ARHGEF3: variants seen among roughly 807,000 people sequenced by gnomAD.
The protein encoded by ARHGEF3 is 59.8 kDA protein.
ARHGEF3 carries 28 observed loss-of-function variants against 63.2 expected under a neutral mutation model. The observed-to-expected ratio is 0.44, with a 90% CI of 0.33 to 0.61. The LOEUF (loss-of-function observed/expected upper bound fraction) is 0.61, where lower values mean the gene tolerates loss of function less well. ARHGEF3 is among the 20% of genes least tolerant of loss of function. The probability of loss-of-function intolerance (pLI) is 0.03; values close to 1 mark genes in which losing one functional copy is unlikely to be tolerated. For missense variants in ARHGEF3, 533 were observed against 659.3 expected (o/e 0.81, Z 2.10); for synonymous variants, 266 against 254.2 (o/e 1.05, Z -0.44).
intron 1 of ARHGEF3, among the ~76,000 whole-genome samples, chr3:57,058,868 CA>C (rs1333421426): frequency 1.4e-4 from 22 of 151,884 alleles, no homozygotes; most frequent in Admixed American, 5.2e-4. Flanking sequence ...TGGAAACTAT[CA>C]TTCTCAGCAA....
chr3:56,968,336 T>C (rs1352972031), intron 2 of ARHGEF3, among the ~76,000 whole-genome samples: 1 of 100,544 alleles, frequency 9.9e-6, no homozygotes, highest in Non-Finnish European at 1.9e-5. Context: ...ATATATATAA[T>C]ATATAATATA....
At chr3:56,929,819 C>T (rs2042364089) in intron 3 of ARHGEF3, among the ~76,000 whole-genome samples, 1 of 152,130 alleles carries the variant, frequency 6.6e-6, no homozygotes, top group South Asian at 2.1e-4. Context: ...TGAAGGAAAG[C>T]CTTGTGTAGA....
intron 2 of ARHGEF3, among the ~76,000 whole-genome samples, chr3:56,959,552 A>T (rs976639120): frequency 2.0e-5 from 3 of 152,144 alleles, no homozygotes; most frequent in African/African-American, 7.2e-5. Context: ...CTTTTTCAAT[A>T]TTTTTATGGA....
rs1381685759 is a variant in ARHGEF3, at chr3:56,727,722, G to GA, written c.*1547dup. On this transcript the variant is annotated 3_prime_UTR_variant, in exon 10 of 10. Transcript: ENST00000296315. Reference sequence around the variant, plus strand: ...AGCAGTTTTAAATAAACTTGTAATAGAAAAAATTCATCATGTTTAAGACCT... The same window carrying GA: ...AGCAGTTTTAAATAAACTTGTAATAGAAAAAAATTCATCATGTTTAAGACCT... 1 of 152,398 alleles carries GA rather than the reference G, an allele frequency of 6.6e-6. No individual in the cohort carries two copies. Among genetic ancestry groups the GA allele is most frequent in the African/African-American group, 2.4e-5 (1 of 41,406 alleles). The allele number at this position is 152,398 out of a possible 1,614,324, so 9.4% of individuals were successfully genotyped here.
chr3:56,844,828 C>A (rs749745331), intron 4 of ARHGEF3, among the ~76,000 whole-genome samples: 1 of 152,242 alleles, frequency 6.6e-6, no homozygotes, highest in Non-Finnish European at 1.5e-5. Flanking sequence ...CCCATGATCC[C>A]TGCCTCCTGG....
intron 4 of ARHGEF3, among the ~76,000 whole-genome samples, chr3:56,869,359 C>T (rs1048143196): frequency 2.6e-5 from 4 of 152,166 alleles, no homozygotes; most frequent in Admixed American, 2.6e-4. Context: ...TATAGAGAAA[C>T]CACCTGCTCA....
chr3:56,948,646 C>A (rs1372446397), intron 3 of ARHGEF3, among the ~76,000 whole-genome samples: 3 of 152,008 alleles, frequency 2.0e-5, no homozygotes, highest in African/African-American at 7.2e-5. Context: ...AATAGCTTAC[C>A]AACCAAAAAA....
rs117159865 is a variant in ARHGEF3, at chr3:56,810,198, G to T, written c.193-36382C>A. On this transcript the variant is annotated intron_variant, in intron 4 of 12. Coordinates refer to the ARHGEF3 transcript ENST00000338458. ...ATCAACTACAAACTCAGTAATCAAA[G>T]TACCGTATTTTGTCGAACCTAAGAC... 6.2e-4 allele frequency among the ~76,000 whole-genome samples: 95 copies of T among 152,242 alleles called. 1 individual carries two copies. In the East Asian group the frequency reaches 0.018, roughly 28 times the overall value.
chr3:56,817,394 C>T (rs986893621), intron 4 of ARHGEF3, among the ~76,000 whole-genome samples: 13 of 152,198 alleles, frequency 8.5e-5, no homozygotes, highest in Non-Finnish European at 5.9e-5. Context: ...AGCTCTGAAA[C>T]TCAGATTTTT....
At chr3:56,871,360 T>C (rs7634648) in intron 4 of ARHGEF3, among the ~76,000 whole-genome samples, 15 of 152,076 alleles carry the variant, frequency 9.9e-5, no homozygotes, top group Non-Finnish European at 2.1e-4. Context: ...AAGCAGAAAA[T>C]ATTTTCTACT....
chr3:57,022,019 C>G (rs1382222924), intron 2 of ARHGEF3, among the ~76,000 whole-genome samples: 2 of 152,086 alleles, frequency 1.3e-5, no homozygotes, highest in Non-Finnish European at 2.9e-5. Flanking sequence ...GCCTGCAATC[C>G]CAGCGCTTTG....
chr3:56,885,739 G>A (rs2040901621), intron 3 of ARHGEF3, among the ~76,000 whole-genome samples: 1 of 152,126 alleles, frequency 6.6e-6, no homozygotes. Flanking sequence ...TTTTAATTCA[G>A]CCATAGACAG....
Position 56,745,274 on chromosome 3 carries a change from A to G in ARHGEF3, c.801T>C (p.Pro267=). 4.3e-6 allele frequency: 7 copies of G among 1,614,094 alleles called. No homozygotes were observed. Among genetic ancestry groups the G allele is most frequent in the Non-Finnish European group, 5.9e-6 (7 of 1,180,010 alleles). ...DIPRSRLVKY[P]LLLREILRHT... is the part of the protein sequence containing the mutation. The stretch of plus-strand genomic sequence containing the variant: ...GCCTCAAGATTTCTCGGAGAAGCAG[A>G]GGGTATTTTACCAGGCGGCTTCTTG... The change falls in exon 7 of 10, where the codon CCT becomes CCC. Residue 267 remains proline, a synonymous_variant. Coordinates refer to ENST00000296315, the MANE Select transcript of ARHGEF3 (RefSeq NM_019555.3).
rs148685481 is a variant in ARHGEF3 at position 57,049,492 on chromosome 3, C to T, written c.-27-14316G>A. The stretch of plus-strand genomic sequence containing the variant: ...TATCTGTGGGAGATGTGAGACCATA[C>T]GGTTGTTAGTGGTTCATTCATTCCA... On this transcript the variant is annotated intron_variant, in intron 1 of 12. Transcript: ENST00000338458. Among the ~76,000 whole-genome samples the T allele has an allele frequency of 3.1e-4, 47 of 152,290 alleles. No homozygotes were observed. In the East Asian group the frequency reaches 7.0e-3, roughly 23 times the overall value.
chr3:57,011,723 C>T (rs1702709106), intron 2 of ARHGEF3, among the ~76,000 whole-genome samples: 1 of 152,200 alleles, frequency 6.6e-6, no homozygotes, highest in South Asian at 2.1e-4. Flanking sequence ...TGCTGTGTGA[C>T]CTGAAACTTT....
At chr3:57,035,803 C>A (rs1186459476) in intron 1 of ARHGEF3, among the ~76,000 whole-genome samples, 2 of 152,232 alleles carry the variant, frequency 1.3e-5, no homozygotes, top group African/African-American at 2.4e-5. Context: ...TCTGCCCATG[C>A]AGATGATGAC....
At chr3:56,803,526 G>A (rs1488549779), upstream of ARHGEF3, among the ~76,000 whole-genome samples, 2 of 152,158 alleles carry the variant, frequency 1.3e-5, no homozygotes, top group African/African-American at 4.8e-5. Flanking sequence ...AGATGGCTAG[G>A]TAGAGTGGCT....
chr3:57,074,272 T>C lies in ARHGEF3; in HGVS notation c.-28+4954A>G, dbSNP rs1579228444. The C allele has an allele frequency of 2.5e-6, 4 of 1,602,744 alleles. No homozygotes were observed. In the South Asian group the frequency reaches 4.4e-5, roughly 18 times the overall value. ...CACATACACACACATCTGTAATCAA[T>C]AATAATCCTGCAACATCTGAGAGTC... On this transcript the variant is annotated intron_variant, in intron 1 of 12. Coordinates refer to the ARHGEF3 transcript ENST00000338458.
chr3:57,070,644 G>C (rs74500737), intron 1 of ARHGEF3, among the ~76,000 whole-genome samples: 2,500 of 152,114 alleles, frequency 0.016, 68 homozygotes, highest in African/African-American at 0.057. Context: ...GGGAGATCCA[G>C]AACAGCCAAA....
Sources: allele counts gnomAD v4.1 joint callset (sites outside exome capture counted in the v4.1 genomes callset), GRCh38; gene constraint gnomAD v4.1.1; transcripts MANE v1.5; gene names NCBI Gene and HGNC (gene_info 2026-07-23, HGNC 2026-07-21).